Variants in TAFA1 observed in about 807,000 individuals in gnomAD.
The protein encoded by TAFA1 is TAFA chemokine like family member 1.
In TAFA1, 4 loss-of-function variants were observed where a neutral mutation model predicts 18.5. That is an observed-to-expected ratio of 0.22 (90% CI 0.11 to 0.49). TAFA1 has a LOEUF of 0.49. Among genes scored for constraint, TAFA1 ranks in the 20% least tolerant of loss-of-function variants. The pLI is 0.98. For synonymous variants in TAFA1, 56 were observed against 55.2 expected, an observed-to-expected ratio of 1.01 and a Z score of -0.06; for missense variants, 147 against 169.0, an observed-to-expected ratio of 0.87 and a Z score of 0.72.
At chr3:68,368,562 A>G (rs894963596) in intron 2 of TAFA1, among the ~76,000 whole-genome samples, 1 of 118,146 alleles carries the variant, frequency 8.5e-6, no homozygotes, top group Non-Finnish European at 1.7e-5. Context: ...TCCACTAACC[A>G]GAGGCCATCT....
At chr3:68,391,616 T>G (rs551687281) in intron 2 of TAFA1, among the ~76,000 whole-genome samples, 1 of 152,236 alleles carries the variant, frequency 6.6e-6, no homozygotes, top group Admixed American at 6.5e-5. Context: ...GAGAGAAAGG[T>G]CGGGTTACCC....
chr3:68,428,636 C>T (rs148044698), intron 3 of TAFA1, among the ~76,000 whole-genome samples: 3 of 151,940 alleles, frequency 2.0e-5, no homozygotes, highest in East Asian at 1.9e-4. Flanking sequence ...TCACCTGTTT[C>T]GTTTATGAAA....
At chr3:68,268,742 A>G (rs574090442) in intron 2 of TAFA1, among the ~76,000 whole-genome samples, 19 of 152,198 alleles carry the variant, frequency 1.2e-4, no homozygotes, top group Admixed American at 1.1e-3. Context: ...CATGTGCTGT[A>G]GGGGCTGCTA....
At position 68,544,679 on chromosome 3, in the gene TAFA1, C is replaced by T. The variant is rs1487423802; in HGVS notation, c.*176C>T. The T allele has an allele frequency of 3.2e-6, 2 of 615,570 alleles. No homozygotes were observed. The highest frequency in any genetic ancestry group is 6.5e-5 in the Admixed American group (2 of 30,856). 38.1% of individuals were successfully genotyped at this position (615,570 alleles called of 1,614,324 possible). ...CGAAATATCCTACAGTGAGAAGACA[C>T]AGCGTTTTGGCAACACCATGGAAAG... On this transcript the variant is annotated 3_prime_UTR_variant, in exon 5 of 5. Transcript: ENST00000478136.
intron 2 of TAFA1, among the ~76,000 whole-genome samples, chr3:68,200,551 A>G (rs1345181540): frequency 6.6e-6 from 1 of 151,614 alleles, no homozygotes; most frequent in African/African-American, 2.4e-5. Flanking sequence ...CTTCATATGC[A>G]AGTTTTGGCA....
rs534451864 is a variant in TAFA1 at position 68,491,956 on chromosome 3, A to G, written c.260-46800A>G. Among the ~76,000 whole-genome samples, 12 of 152,340 alleles carry G rather than the reference A, an allele frequency of 7.9e-5. No homozygotes were observed. The South Asian group carries it at 2.5e-3, about 32-fold the overall frequency. On this transcript the variant is annotated intron_variant, in intron 3 of 4. Coordinates refer to ENST00000478136, the MANE Select transcript of TAFA1 (RefSeq NM_213609.4). Reference sequence around the variant, plus strand: ...ACCAAAGACAGAGGAGCTCTGTTCTACATCAAACTGTATCGATGACCTACC... The same window carrying G: ...ACCAAAGACAGAGGAGCTCTGTTCTGCATCAAACTGTATCGATGACCTACC...
chr3:68,205,619 C>T (rs1029189502), intron 2 of TAFA1, among the ~76,000 whole-genome samples: 2 of 151,816 alleles, frequency 1.3e-5, no homozygotes, highest in African/African-American at 4.8e-5. Context: ...TAGAAAACGT[C>T]CCTAGATGAT....
chr3:68,188,009 T>C (rs2066291019), intron 2 of TAFA1, among the ~76,000 whole-genome samples: 1 of 152,040 alleles, frequency 6.6e-6, no homozygotes, highest in African/African-American at 2.4e-5. Flanking sequence ...TATTGGGTTG[T>C]CTAGCTTTGT....
chr3:68,286,071 C>T (rs59783230), intron 2 of TAFA1, among the ~76,000 whole-genome samples: 12,890 of 151,720 alleles, frequency 0.085, 702 homozygotes, highest in South Asian at 0.16. Context: ...ATTAGCTGGG[C>T]GTGGTGGCAT....
intron 3 of TAFA1, among the ~76,000 whole-genome samples, chr3:68,449,018 C>T (rs985342092): frequency 6.6e-6 from 1 of 152,190 alleles, no homozygotes; most frequent in Non-Finnish European, 1.5e-5. Context: ...GCTTCATTGG[C>T]TGCCTACTGT....
chr3:68,533,023 A>C (rs2073212990), intron 3 of TAFA1, among the ~76,000 whole-genome samples: 1 of 151,660 alleles, frequency 6.6e-6, no homozygotes, highest in African/African-American at 2.4e-5. Context: ...CACTTTTTCC[A>C]AAGAGGGTTT....
chr3:68,212,829 C>T (rs967912680), intron 2 of TAFA1, among the ~76,000 whole-genome samples: 7 of 151,916 alleles, frequency 4.6e-5, no homozygotes, highest in East Asian at 2.0e-4. Context: ...GACCCATGTG[C>T]GATCTTTACT....
At chr3:68,301,751 C>G (rs1410413125) in intron 2 of TAFA1, among the ~76,000 whole-genome samples, 1 of 152,100 alleles carries the variant, frequency 6.6e-6, no homozygotes, top group Non-Finnish European at 1.5e-5. Context: ...TAAAAACTGT[C>G]AGAAGTCGGT....
rs1054491881 is a variant in TAFA1, at chr3:68,465,954, T to C, written c.259+48534T>C. 3.6e-4 allele frequency among the ~76,000 whole-genome samples: 55 copies of C among 152,182 alleles called. 1 individual carries two copies. Among genetic ancestry groups the C allele is most frequent in the Non-Finnish European group, 1.0e-4 (7 of 68,020 alleles). On this transcript the variant is annotated intron_variant, in intron 3 of 4. Transcript: ENST00000478136. ...AGGCAGCCTGTCTTCCACACACAAC[T>C]GTAACAAAAGACGATTGGATATCTG...
At chr3:67,996,579 A>G in the TAFA1 span, among the ~76,000 whole-genome samples, 1 of 152,116 alleles carries the variant, frequency 6.6e-6, no homozygotes, top group Non-Finnish European at 1.5e-5. Flanking sequence ...TGGGCAGACC[A>G]CTTGAGGCCA....
At chr3:68,402,294 C>T (rs539783323) in intron 2 of TAFA1, among the ~76,000 whole-genome samples, 4 of 152,284 alleles carry the variant, frequency 2.6e-5, no homozygotes, top group Admixed American at 6.5e-5. Flanking sequence ...AAGGGAAGCT[C>T]ATTTCAAGCA....
chr3:68,063,583 A>G (rs2064634665), intron 2 of TAFA1, among the ~76,000 whole-genome samples: 1 of 152,190 alleles, frequency 6.6e-6, no homozygotes, highest in Non-Finnish European at 1.5e-5. Flanking sequence ...TTTGCCACCA[A>G]TAGAAATCTC....
chr3:68,361,348 T>C (rs1419362395), intron 2 of TAFA1, among the ~76,000 whole-genome samples: 1 of 151,912 alleles, frequency 6.6e-6, no homozygotes, highest in African/African-American at 2.4e-5. Context: ...GAAAGGTGTG[T>C]GAGTGAGTAG....
At chr3:68,125,381 T>G (rs1324928989) in intron 2 of TAFA1, among the ~76,000 whole-genome samples, 1 of 152,252 alleles carries the variant, frequency 6.6e-6, no homozygotes, top group Non-Finnish European at 1.5e-5. Context: ...TTGTTATTAT[T>G]ACAAGTGCTA....
Sources: allele counts gnomAD v4.1 joint callset (sites outside exome capture counted in the v4.1 genomes callset), GRCh38; gene constraint gnomAD v4.1.1; transcripts MANE v1.5; gene names NCBI Gene and HGNC (gene_info 2026-07-23, HGNC 2026-07-21).